The following DCDC1 variants were observed in gnomAD, a reference collection of about 807,000 sequenced individuals.
DCDC1 encodes the protein doublecortin domain containing 1, also known as doublecortin domain-containing protein 1.
A neutral mutation model predicts 178.3 loss-of-function variants in DCDC1; 200 were observed. The ratio of observed to expected loss-of-function variants is 1.12; its 90% CI spans 1.00 to 1.26. DCDC1 has a LOEUF of 1.26. DCDC1 is among the 50% of genes most tolerant of loss of function. The pLI is 0.00. For missense variants in DCDC1, 1,983 were observed against 1,749.2 expected (o/e 1.13, Z -2.38); for synonymous variants, 690 against 604.8 (o/e 1.14, Z -2.07).
chr11:30,908,275 G>A (rs1945213787), intron 29 of DCDC1, among the ~76,000 whole-genome samples: 1 of 152,084 alleles, frequency 6.6e-6, no homozygotes, highest in Non-Finnish European at 1.5e-5. Context: ...TTCATTTAGA[G>A]AAATTATGGG....
At chr11:31,260,103 C>T (rs543985261) in intron 8 of DCDC1, among the ~76,000 whole-genome samples, 8 of 152,274 alleles carry the variant, frequency 5.3e-5, no homozygotes, top group African/African-American at 1.9e-4. Flanking sequence ...GGAGCCCAGA[C>T]GGTAGCTGCT....
chr11:31,067,712 A>G (rs1304720594), intron 18 of DCDC1, among the ~76,000 whole-genome samples: 1 of 152,212 alleles, frequency 6.6e-6, no homozygotes, highest in African/African-American at 2.4e-5. Context: ...TGGCAACAAA[A>G]AGAAATGAAT....
chr11:30,928,907 T>C (rs1339618695), intron 22 of DCDC1, among the ~76,000 whole-genome samples: 2 of 151,884 alleles, frequency 1.3e-5, no homozygotes, highest in East Asian at 1.9e-4. Context: ...ATTGTCTTAT[T>C]ATTAACCCCA....
intron 38 of DCDC1, among the ~76,000 whole-genome samples, chr11:30,868,748 T>C (rs939594023): frequency 6.6e-6 from 1 of 152,216 alleles, no homozygotes; most frequent in Non-Finnish European, 1.5e-5. Flanking sequence ...GTCACCTCTA[T>C]GCTGCTGAGT....
rs930045405 is a variant in DCDC1, at chr11:31,278,506, C to G, written c.960+12141G>C. On this transcript the variant is annotated intron_variant, in intron 7 of 38. Coordinates refer to ENST00000684477, the MANE Select transcript of DCDC1 (RefSeq NM_001387274.1). ...AGAGTAGAATGGTGATTACAGGAGA[C>G]TGCAGTGGGAGTGGGAGGACTGGGA... Among the ~76,000 whole-genome samples, 5 of 152,000 alleles carry G rather than the reference C, an allele frequency of 3.3e-5. No homozygotes were observed. The East Asian group carries it at 7.7e-4, about 23-fold the overall frequency.
chr11:31,195,058 C>A (rs1970532075), intron 9 of DCDC1, among the ~76,000 whole-genome samples: 1 of 152,054 alleles, frequency 6.6e-6, no homozygotes, highest in South Asian at 2.1e-4. Flanking sequence ...CTGTCCAGGG[C>A]TTTCACAGGC....
chr11:31,143,690 G>T (rs2136044319), intron 9 of DCDC1, among the ~76,000 whole-genome samples: 1 of 152,240 alleles, frequency 6.6e-6, no homozygotes, highest in Non-Finnish European at 1.5e-5. Flanking sequence ...ACTAAGTCCT[G>T]ACCTAGCCCC....
At chr11:30,993,977 C>G (rs1951117443) in intron 20 of DCDC1, among the ~76,000 whole-genome samples, 1 of 152,110 alleles carries the variant, frequency 6.6e-6, no homozygotes, top group Non-Finnish European at 1.5e-5. Context: ...AATATTAAAC[C>G]CAGCTAAAGC....
At chr11:30,891,895 C>G (rs914854183) in intron 36 of DCDC1, among the ~76,000 whole-genome samples, 4 of 152,088 alleles carry the variant, frequency 2.6e-5, no homozygotes, top group Non-Finnish European at 5.9e-5. Context: ...GGATTAATGT[C>G]CAGGGGCAGA....
chr11:30,950,392 A>C (rs745741428), intron 21 of DCDC1, among the ~76,000 whole-genome samples: 50 of 152,202 alleles, frequency 3.3e-4, no homozygotes, highest in Non-Finnish European at 4.9e-4. Context: ...AAATGTCTGC[A>C]TTCCCTTGTT....
chr11:30,884,187 C>T (rs1305822914), intron 36 of DCDC1, among the ~76,000 whole-genome samples: 4 of 151,828 alleles, frequency 2.6e-5, no homozygotes, highest in African/African-American at 9.7e-5. Flanking sequence ...GCGTGCACCA[C>T]CATGTCCGGC....
At chr11:31,062,854 G>A (rs945877029) in intron 20 of DCDC1, among the ~76,000 whole-genome samples, 1 of 149,632 alleles carries the variant, frequency 6.7e-6, no homozygotes, top group African/African-American at 2.5e-5. Context: ...GTGCAGGTTT[G>A]TTACATATGT....
At chr11:31,298,455 G>A (rs1272191431) in intron 6 of DCDC1, among the ~76,000 whole-genome samples, 7 of 152,078 alleles carry the variant, frequency 4.6e-5, no homozygotes, top group Non-Finnish European at 1.0e-4. Flanking sequence ...AGGACCTAAG[G>A]TTTAGCATAA....
chr11:31,336,984 T>C (rs1655330231), intron 1 of DCDC1, among the ~76,000 whole-genome samples: 1 of 152,212 alleles, frequency 6.6e-6, no homozygotes, highest in African/African-American at 2.4e-5. Context: ...TCTGACAACA[T>C]GGAGTACCAT....
intron 27 of DCDC1, among the ~76,000 whole-genome samples, chr11:30,912,141 C>A (rs1688787018): frequency 6.6e-6 from 1 of 152,136 alleles, no homozygotes; most frequent in Admixed American, 6.5e-5. Flanking sequence ...CATATGATGA[C>A]CTGTGCCATC....
chr11:31,020,230 A>G (rs1353285303), intron 20 of DCDC1, among the ~76,000 whole-genome samples: 2 of 152,178 alleles, frequency 1.3e-5, no homozygotes, highest in Non-Finnish European at 2.9e-5. Context: ...TCAATAAATA[A>G]AACAGCTCTT....
Position 31,366,581 on chromosome 11 carries a change from G to A in DCDC1, c.-125+3116C>T, listed in dbSNP as rs140042415. Among the ~76,000 whole-genome samples the A allele has an allele frequency of 3.8e-3, 576 of 152,290 alleles. 4 individuals are homozygous for A. The highest frequency in any genetic ancestry group is 0.013 in the African/African-American group (534 of 41,568). Reference sequence around the variant, plus strand: ...GCAGGGATTACTCTGATAGGAGGAAGAAAAGAATTAGGGTGTTATAAGTAA... The same window carrying A: ...GCAGGGATTACTCTGATAGGAGGAAAAAAAGAATTAGGGTGTTATAAGTAA... On this transcript the variant is annotated intron_variant, in intron 1 of 38. Coordinates refer to ENST00000684477, the MANE Select transcript of DCDC1 (RefSeq NM_001387274.1).
intron 20 of DCDC1, among the ~76,000 whole-genome samples, chr11:30,985,613 C>T (rs1342819444): frequency 6.6e-6 from 1 of 152,202 alleles, no homozygotes; most frequent in Admixed American, 6.5e-5. Flanking sequence ...TCACTTTACC[C>T]TTACTAAAAG....
chr11:31,115,615 T>C (rs1959781010), intron 11 of DCDC1, among the ~76,000 whole-genome samples: 1 of 152,100 alleles, frequency 6.6e-6, no homozygotes, highest in South Asian at 2.1e-4. Flanking sequence ...CAGGTGAACA[T>C]AATTAAACAC....
Sources: allele counts gnomAD v4.1 joint callset (sites outside exome capture counted in the v4.1 genomes callset), GRCh38; gene constraint gnomAD v4.1.1; transcripts MANE v1.5; gene names NCBI Gene and HGNC (gene_info 2026-07-23, HGNC 2026-07-21).